EYS: variants seen among roughly 807,000 people sequenced by gnomAD.
The protein encoded by EYS is EGF-like photoreceptor maintenance factor.
Under a neutral mutation model 282.1 loss-of-function variants are expected in EYS, and 250 were observed. The ratio of observed to expected loss-of-function variants is 0.89; its 90% CI spans 0.80 to 0.98. The LOEUF is 0.98. Ranked by LOEUF, EYS falls within the 50% of genes least tolerant of loss-of-function variation. EYS has a pLI of 0.00. For synonymous variants in EYS, 1,355 were observed against 1,282.9 expected, an observed-to-expected ratio of 1.06 and a Z score of -1.20; for missense variants, 4,016 against 3,709.0, an observed-to-expected ratio of 1.08 and a Z score of -2.15.
chr6:63,869,665 A>C (rs1189246859), intron 35 of EYS, among the ~76,000 whole-genome samples: 1 of 152,198 alleles, frequency 6.6e-6, no homozygotes, highest in Non-Finnish European at 1.5e-5. Flanking sequence ...TGCCCAGCAC[A>C]GTACTTGGCA....
intron 36 of EYS, among the ~76,000 whole-genome samples, chr6:63,813,445 GA>G (rs1358265794): frequency 6.6e-6 from 1 of 152,112 alleles, no homozygotes; most frequent in Non-Finnish European, 1.5e-5. Context: ...GTTTTTGACA[GA>G]ATATTTTGCC....
intron 30 of EYS, among the ~76,000 whole-genome samples, chr6:64,240,184 G>C (rs1158617385): frequency 3.3e-5 from 5 of 152,174 alleles, no homozygotes; most frequent in Non-Finnish European, 5.9e-5. Flanking sequence ...AAGTCAGGTA[G>C]TGTGATGCCT....
chr6:63,775,305 A>G (rs548260224), intron 40 of EYS, among the ~76,000 whole-genome samples: 21 of 152,330 alleles, frequency 1.4e-4, no homozygotes, highest in Non-Finnish European at 2.6e-4. Context: ...CATCTCAGCT[A>G]AGAGGAAGGG....
chr6:65,163,027 T>C (rs1374859345), intron 12 of EYS, among the ~76,000 whole-genome samples: 1 of 151,162 alleles, frequency 6.6e-6, no homozygotes, highest in Admixed American at 6.6e-5. Flanking sequence ...CCTTCAGTAC[T>C]AAATTGCCAA....
At chr6:64,593,419 G>A in intron 24 of EYS, 110 bp from the exon 25 acceptor site, 1 of 674,070 alleles carries the variant, frequency 1.5e-6, no homozygotes, top group South Asian at 3.3e-5. Flanking sequence ...ATATTGGATA[G>A]CTCAAATAAA....
At chr6:65,008,427 A>G (rs1771758123) in intron 13 of EYS, among the ~76,000 whole-genome samples, 1 of 151,760 alleles carries the variant, frequency 6.6e-6, no homozygotes, top group African/African-American at 2.4e-5. Flanking sequence ...TTTATAAAAG[A>G]GATCAGGAGG....
intron 2 of EYS, among the ~76,000 whole-genome samples, chr6:65,543,321 A>G (rs1486594472): frequency 4.0e-5 from 6 of 150,690 alleles, no homozygotes; most frequent in Non-Finnish European, 8.9e-5. Flanking sequence ...TTTTTACATT[A>G]TTTTACATTG....
intron 8 of EYS, among the ~76,000 whole-genome samples, chr6:65,371,737 C>G (rs975199640): frequency 0.015 from 630 of 43,358 alleles, 3 homozygotes; most frequent in African/African-American, 0.039. Flanking sequence ...CTCTCTCTCT[C>G]TCTCTGTGTG....
At chr6:65,048,110 A>G (rs1773155491) in intron 13 of EYS, among the ~76,000 whole-genome samples, 1 of 151,886 alleles carries the variant, frequency 6.6e-6, no homozygotes, top group Non-Finnish European at 1.5e-5. Flanking sequence ...TTAATGGAAG[A>G]TAGCCATAGT....
intron 26 of EYS, among the ~76,000 whole-genome samples, chr6:64,553,804 G>A (rs1356214845): frequency 2.6e-5 from 4 of 151,876 alleles, no homozygotes; most frequent in Non-Finnish European, 4.4e-5. Context: ...CAAAGAAAAT[G>A]TATTCTCCAA....
chr6:64,383,306 C>A (rs141936612), intron 29 of EYS, among the ~76,000 whole-genome samples: 1,531 of 151,942 alleles, frequency 0.01, 16 homozygotes, highest in Non-Finnish European at 0.017. Flanking sequence ...TGTCTCAAAA[C>A]AAACAAACAA....
intron 35 of EYS, among the ~76,000 whole-genome samples, chr6:63,975,246 C>T (rs1766777920): frequency 6.6e-6 from 1 of 151,904 alleles, no homozygotes; most frequent in Non-Finnish European, 1.5e-5. Flanking sequence ...TTATCATACA[C>T]AAAATAATAT....
At position 64,640,695 on chromosome 6, in the gene EYS, T is replaced by C. The variant is rs527779736; in HGVS notation, c.3444-14450A>G. On this transcript the variant is annotated intron_variant, in intron 22 of 42. Transcript: ENST00000503581. ...GTAACTAACCTGCACATTGTGCACATGTACCCTAAAACTTAAAGTATAATA... is the reference window on the plus strand; with the variant it reads ...GTAACTAACCTGCACATTGTGCACACGTACCCTAAAACTTAAAGTATAATA... Among the ~76,000 whole-genome samples, 10 of 152,234 alleles carry C rather than the reference T, an allele frequency of 6.6e-5. No individual in the cohort carries two copies. The South Asian group carries it at 2.1e-3, about 32-fold the overall frequency.
At chr6:64,085,340 G>GCGCACACACACACACACACA (rs112388321) in intron 31 of EYS, among the ~76,000 whole-genome samples, 1,884 of 139,790 alleles carry the variant, frequency 0.013, 24 homozygotes, top group Non-Finnish European at 0.015. Context: ...ACGTGCGCGC[G>GCGCACACACACACACACACA]CACACACACA....
chr6:64,631,964 T>A (rs1767798209), intron 22 of EYS, among the ~76,000 whole-genome samples: 1 of 151,970 alleles, frequency 6.6e-6, no homozygotes, highest in African/African-American at 2.4e-5. Context: ...AAATTTATAT[T>A]CTATTTATAT....
At chr6:65,182,141 G>A (rs1255258867) in intron 12 of EYS, among the ~76,000 whole-genome samples, 2 of 151,506 alleles carry the variant, frequency 1.3e-5, no homozygotes, top group Admixed American at 1.3e-4. Flanking sequence ...ACACCAACAT[G>A]GCATATGTAT....
At chr6:64,423,174 A>T (rs1414235263) in intron 28 of EYS, among the ~76,000 whole-genome samples, 1 of 152,136 alleles carries the variant, frequency 6.6e-6, no homozygotes, top group Non-Finnish European at 1.5e-5. Context: ...CTCAGATTTT[A>T]ATTTTAGAGT....
At chr6:65,292,693 T>G (rs562549904) in intron 12 of EYS, among the ~76,000 whole-genome samples, 2 of 151,854 alleles carry the variant, frequency 1.3e-5, no homozygotes, top group Admixed American at 1.3e-4. Flanking sequence ...CACTGTACAG[T>G]GGGAGCTAGG....
At chr6:64,615,042 T>C (rs962700386) in intron 24 of EYS, among the ~76,000 whole-genome samples, 1 of 152,138 alleles carries the variant, frequency 6.6e-6, no homozygotes, top group Non-Finnish European at 1.5e-5. Context: ...ATGCAATGTT[T>C]AGTCTCTTCC....
Sources: allele counts gnomAD v4.1 joint callset (sites outside exome capture counted in the v4.1 genomes callset), GRCh38; gene constraint gnomAD v4.1.1; transcripts MANE v1.5; gene names NCBI Gene and HGNC (gene_info 2026-07-23, HGNC 2026-07-21).